The following NPAS2 variants were observed in gnomAD, a reference collection of about 807,000 sequenced individuals.
The protein encoded by NPAS2 is neuronal PAS domain-containing protein 2.
In NPAS2, 23 loss-of-function variants were observed where a neutral mutation model predicts 107.5. The observed-to-expected ratio is 0.21, with a 90% CI of 0.15 to 0.30. The LOEUF (loss-of-function observed/expected upper bound fraction) is 0.30, where lower values mean the gene tolerates loss of function less well. Ranked by LOEUF, NPAS2 falls within the 10% of genes least tolerant of loss-of-function variation. NPAS2 has a pLI of 1.00. For synonymous variants in NPAS2, 403 were observed against 417.5 expected (o/e 0.97, Z 0.42); for missense variants, 756 against 1,043.3 (o/e 0.72, Z 3.79).
At chr2:100,990,522 T>C in intron 18 of NPAS2, 76 bp downstream of exon 18, 2 of 1,471,130 alleles carry the variant, frequency 1.4e-6, no homozygotes, top group Non-Finnish European at 1.9e-6. Context: ...CTTTCTGCTT[T>C]AGACGGAGGC....
At chr2:100,874,511 G>A (rs1367241513) in intron 1 of NPAS2, among the ~76,000 whole-genome samples, 1 of 152,032 alleles carries the variant, frequency 6.6e-6, no homozygotes, top group Non-Finnish European at 1.5e-5. Flanking sequence ...GGAGGCTGAG[G>A]AGGACAGATC....
Position 100,971,188 on chromosome 2 carries a change from A to C in NPAS2, c.1140+114A>C, listed in dbSNP as rs987256034. 3.9e-5 allele frequency: 34 copies of C among 882,352 alleles called. No individual in the cohort carries two copies. The African/African-American group carries it at 5.4e-4, about 14-fold the overall frequency. 54.7% of individuals were successfully genotyped at this position (882,352 alleles called of 1,614,324 possible). ...ATCAATGGAAGGGTACAACCAAGCT[A>C]TTCAGGAGGCTGAGGTGGGAGGATC... is the stretch of plus-strand genomic sequence containing the variant. On this transcript the variant is annotated intron_variant, in intron 12 of 20. Transcript: ENST00000335681.
chr2:100,931,717 C>G (rs752113596), intron 3 of NPAS2, among the ~76,000 whole-genome samples: 4 of 152,052 alleles, frequency 2.6e-5, no homozygotes, highest in Non-Finnish European at 5.9e-5. Flanking sequence ...ATCTCCTGAC[C>G]TCGTGATCTG....
intron 5 of NPAS2, among the ~76,000 whole-genome samples, chr2:100,945,912 T>C (rs1674864895): frequency 6.6e-6 from 1 of 152,186 alleles, no homozygotes; most frequent in Non-Finnish European, 1.5e-5. Context: ...GTCATAGTGC[T>C]GGCCACGCCA....
chr2:100,855,739 G>C (rs1168785188), intron 1 of NPAS2, among the ~76,000 whole-genome samples: 1 of 152,188 alleles, frequency 6.6e-6, no homozygotes. Flanking sequence ...GCCGAATTCA[G>C]CAGTGAGGCA....
chr2:100,909,244 T>G (rs1054784943), intron 2 of NPAS2, among the ~76,000 whole-genome samples: 1 of 152,224 alleles, frequency 6.6e-6, no homozygotes, highest in African/African-American at 2.4e-5. Flanking sequence ...CTCAGAGCGC[T>G]TTCAGGCAAG....
intron 7 of NPAS2, among the ~76,000 whole-genome samples, chr2:100,960,733 G>A (rs1675869098): frequency 6.6e-6 from 1 of 152,110 alleles, no homozygotes; most frequent in South Asian, 2.1e-4. Context: ...ACACTGCAGA[G>A]GGGAAGCCAC....
intron 1 of NPAS2, among the ~76,000 whole-genome samples, chr2:100,863,698 C>T (rs778187322): frequency 1.3e-5 from 2 of 152,170 alleles, no homozygotes; most frequent in Non-Finnish European, 2.9e-5. Flanking sequence ...GGACCATTTT[C>T]ACGCAATGGT....
At chr2:100,828,683 T>G (rs1331517713) in intron 1 of NPAS2, among the ~76,000 whole-genome samples, 3 of 152,224 alleles carry the variant, frequency 2.0e-5, no homozygotes, top group African/African-American at 7.2e-5. Context: ...TTTTGTCAAC[T>G]TTGTTGATGC....
At position 100,820,960 on chromosome 2, in the gene NPAS2, A is replaced by C; in HGVS notation, c.-23+546A>C. 5 of 998,172 alleles carry C rather than the reference A, an allele frequency of 5.0e-6. No individual in the cohort carries two copies. Among genetic ancestry groups the C allele is most frequent in the Non-Finnish European group, 5.4e-6 (4 of 738,884 alleles). The allele number at this position is 998,172 out of a possible 1,614,324, so 61.8% of individuals were successfully genotyped here. A position where few individuals can be genotyped will look rare whatever the true frequency, so the allele number is the denominator to read the frequency against. On this transcript the variant is annotated intron_variant, in intron 1 of 20. Coordinates refer to ENST00000335681, the MANE Select transcript of NPAS2 (RefSeq NM_002518.4). This position sits in a 1 kb window ranked among gnomAD's most constrained non-coding sequence, Gnocchi z 5.6. ...GCCCCCAACCCCCGTGTGCGCAGAC[A>C]GCGTGCAGCCTGGCTCCTCACGTCG...
intron 7 of NPAS2, among the ~76,000 whole-genome samples, chr2:100,957,748 A>C (rs2105108274): frequency 6.6e-6 from 1 of 151,980 alleles, no homozygotes; most frequent in East Asian, 1.9e-4. Flanking sequence ...AACACAGTGA[A>C]ACCCCGTCTC....
chr2:100,844,744 G>A (rs553733416), intron 1 of NPAS2, among the ~76,000 whole-genome samples: 1 of 152,294 alleles, frequency 6.6e-6, no homozygotes, highest in South Asian at 2.1e-4. Context: ...AGATGAGAGT[G>A]TTTTGTGATC....
intron 16 of NPAS2, 84 bp from the exon 17 acceptor site, chr2:100,987,995 A>T: frequency 7.0e-7 from 1 of 1,424,402 alleles, no homozygotes; most frequent in Non-Finnish European, 9.8e-7. Context: ...GAAAGTTCTT[A>T]CTGGCACAGG....
chr2:100,846,319 C>T (rs931243692), intron 1 of NPAS2, among the ~76,000 whole-genome samples: 18 of 152,064 alleles, frequency 1.2e-4, no homozygotes, highest in South Asian at 6.2e-4. Context: ...ACATAAAATG[C>T]GCTTAAAGTA....
Position 100,960,514 on chromosome 2 carries a change from A to C in NPAS2, c.599-3544A>C, listed in dbSNP as rs80328826. ...CCGCAAGCAGAAGACCACGCCACGC[A>C]CCTGCTCTGTTTTCCATCACAGAGT... is the stretch of plus-strand genomic sequence containing the variant. On this transcript the variant is annotated intron_variant, in intron 7 of 20. Transcript: ENST00000335681. Among the ~76,000 whole-genome samples the C allele has an allele frequency of 7.4e-4, 113 of 151,968 alleles. No individual in the cohort carries two copies. The East Asian group carries it at 0.021, about 28-fold the overall frequency.
At chr2:100,832,144 A>G (rs1676781436) in intron 1 of NPAS2, among the ~76,000 whole-genome samples, 1 of 152,012 alleles carries the variant, frequency 6.6e-6, no homozygotes, top group Non-Finnish European at 1.5e-5. Flanking sequence ...CCTGCACCTC[A>G]TGTAGGGTAG....
At position 100,968,029 on chromosome 2, in the gene NPAS2, C is replaced by A. The variant is rs993678860; in HGVS notation, c.908-252C>A. Among the ~76,000 whole-genome samples, 1 of 152,234 alleles carries A rather than the reference C, an allele frequency of 6.6e-6. No individual in the cohort carries two copies. The highest frequency in any genetic ancestry group is 2.4e-5 in the African/African-American group (1 of 41,472). On this transcript the variant is annotated intron_variant, in intron 10 of 20. Transcript: ENST00000335681. The surrounding 1 kb of genome is among the most constrained non-coding windows in gnomAD (Gnocchi z 5.3). ...CTGCAGTTTGAAAATCTGTCTGCATCTGCCCTTATCTGAGGATCTCTTTAA... is the reference window on the plus strand; with the variant it reads ...CTGCAGTTTGAAAATCTGTCTGCATATGCCCTTATCTGAGGATCTCTTTAA...
intron 2 of NPAS2, among the ~76,000 whole-genome samples, chr2:100,914,131 G>T (rs1490485535): frequency 1.3e-5 from 2 of 152,202 alleles, no homozygotes; most frequent in Non-Finnish European, 2.9e-5. Flanking sequence ...GCGCCTCCAA[G>T]ATTCCACCTG....
intron 17 of NPAS2, 104 bp from the exon 18 acceptor site, chr2:100,990,152 G>A (rs1678026452): frequency 1.0e-6 from 1 of 994,082 alleles, no homozygotes; most frequent in African/African-American, 1.6e-5. Flanking sequence ...TGATTTAGAG[G>A]AAAGGCAAGG....
Sources: allele counts gnomAD v4.1 joint callset (sites outside exome capture counted in the v4.1 genomes callset), GRCh38; gene constraint gnomAD v4.1.1; non-coding constraint Gnocchi (gnomAD v3.1); transcripts MANE v1.5; gene names NCBI Gene and HGNC (gene_info 2026-07-23, HGNC 2026-07-21).